CUX1: variants seen among roughly 807,000 people sequenced by gnomAD.
CUX1 encodes the protein cut like homeobox 1, also known as protein CASP.
A neutral mutation model predicts 158.8 loss-of-function variants in CUX1; 31 were observed. The observed-to-expected ratio is 0.20, with a 90% CI of 0.15 to 0.26. The LOEUF is 0.26. CUX1 is among the 10% of genes least tolerant of loss of function. The probability of loss-of-function intolerance (pLI) is 1.00; values close to 1 mark genes in which losing one functional copy is unlikely to be tolerated. For missense variants in CUX1, 1,589 were observed against 2,014.6 expected (o/e 0.79, Z 4.04); for synonymous variants, 879 against 862.1 (o/e 1.02, Z -0.34).
chr7:102,019,250 C>CA (rs1354626870), intron 2 of CUX1, among the ~76,000 whole-genome samples: 1 of 150,168 alleles, frequency 6.7e-6, no homozygotes, highest in Non-Finnish European at 1.5e-5. Context: ...TTTTTTGAGA[C>CA]ATAGTCTCAT....
At chr7:101,867,944 C>A (rs1798098651) in intron 1 of CUX1, among the ~76,000 whole-genome samples, 1 of 152,160 alleles carries the variant, frequency 6.6e-6, no homozygotes, top group African/African-American at 2.4e-5. Flanking sequence ...CTCCTGACTT[C>A]AAGTGATCTG....
intron 8 of CUX1, among the ~76,000 whole-genome samples, chr7:102,132,527 C>T (rs1299807881): frequency 1.4e-4 from 22 of 151,968 alleles, no homozygotes; most frequent in Non-Finnish European, 2.2e-4. Flanking sequence ...CATACCTGCT[C>T]CTCCTTCATT....
chr7:101,913,462 A>G (rs1413662396), intron 1 of CUX1: 1 of 1,191,224 alleles, frequency 8.4e-7, no homozygotes, highest in Non-Finnish European at 1.1e-6. Flanking sequence ...GCACCGGGCC[A>G]CCTGTTTCAG....
intron 5 of CUX1, 137 bp downstream of exon 5, chr7:102,097,638 A>G (rs1829339016): frequency 1.1e-6 from 1 of 901,364 alleles, no homozygotes; most frequent in Non-Finnish European, 1.6e-6. Flanking sequence ...TGGGGCAGGA[A>G]TCTGAGTCGT....
rs536366998 is a variant in CUX1, at chr7:101,871,202, C to T, written c.31-44913C>T. Reference sequence around the variant, plus strand: ...ATTTTCCTGACTGCCTTGCTCTGCCCGGGAATACCTGGCTTATCAGCAGAA... The same window carrying T: ...ATTTTCCTGACTGCCTTGCTCTGCCTGGGAATACCTGGCTTATCAGCAGAA... On this transcript the variant is annotated intron_variant, in intron 1 of 23. Transcript: ENST00000292535. Among the ~76,000 whole-genome samples the T allele has an allele frequency of 2.2e-4, 34 of 152,026 alleles. 1 individual carries two copies. In the South Asian group the frequency reaches 3.1e-3, roughly 14 times the overall value.
chr7:101,823,832 G>A (rs1160033244), intron 1 of CUX1, among the ~76,000 whole-genome samples: 1 of 152,110 alleles, frequency 6.6e-6, no homozygotes, highest in Admixed American at 6.5e-5. Context: ...AATGCCTGTC[G>A]TACCGTCATT....
chr7:101,894,078 C>T (rs1164166023), intron 1 of CUX1, among the ~76,000 whole-genome samples: 2 of 152,140 alleles, frequency 1.3e-5, no homozygotes, highest in Non-Finnish European at 2.9e-5. Flanking sequence ...TGTCTGGGCC[C>T]GCATCTTGGC....
At chr7:102,009,139 C>T (rs1359493199) in intron 2 of CUX1, among the ~76,000 whole-genome samples, 2 of 152,212 alleles carry the variant, frequency 1.3e-5, no homozygotes, top group Admixed American at 1.3e-4. Flanking sequence ...CCAGCCGCAC[C>T]CAGAGTTTGG....
At position 101,918,894 on chromosome 7, in the gene CUX1, T is replaced by A. The variant is rs577770367; in HGVS notation, c.141+2669T>A. On this transcript the variant is annotated intron_variant, in intron 2 of 23. Coordinates refer to ENST00000292535, the MANE Select transcript of CUX1 (RefSeq NM_181552.4). Reference sequence around the variant, plus strand: ...GCCTCCTGGGTTCAAGTGATTCTCCTGCTTCAGCCTCCCAAGTAGCTGGGA... The same window carrying A: ...GCCTCCTGGGTTCAAGTGATTCTCCAGCTTCAGCCTCCCAAGTAGCTGGGA... 9.8e-4 allele frequency among the ~76,000 whole-genome samples: 149 copies of A among 152,328 alleles called. 1 individual carries two copies. Among genetic ancestry groups the A allele is most frequent in the Non-Finnish European group, 9.8e-4 (67 of 68,022 alleles).
At chr7:102,174,110 A>G (rs1554511147) in intron 10 of CUX1, among the ~76,000 whole-genome samples, 1 of 151,896 alleles carries the variant, frequency 6.6e-6, no homozygotes, top group African/African-American at 2.4e-5. Context: ...GGCTTTGCAT[A>G]GTTTTGTTTG....
chr7:101,905,169 G>A (rs1284702291), intron 1 of CUX1, among the ~76,000 whole-genome samples: 1 of 152,122 alleles, frequency 6.6e-6, no homozygotes. Flanking sequence ...ACATTGTCTC[G>A]TATAAACTAT....
At chr7:102,149,195 G>A (rs187475878) in intron 8 of CUX1, among the ~76,000 whole-genome samples, 5 of 151,930 alleles carry the variant, frequency 3.3e-5, no homozygotes, top group East Asian at 1.9e-4. Flanking sequence ...CTAGACAGCC[G>A]TACCTCTCTA....
intron 20 of CUX1, among the ~76,000 whole-genome samples, chr7:102,222,463 G>T (rs1275295292): frequency 6.6e-6 from 1 of 152,022 alleles, no homozygotes; most frequent in African/African-American, 2.4e-5. Flanking sequence ...TCTCACCTGG[G>T]ATGTAGGGTG....
chr7:102,110,397 TATTA>T (rs1830757853), intron 6 of CUX1, among the ~76,000 whole-genome samples: 1 of 152,154 alleles, frequency 6.6e-6, no homozygotes, highest in Admixed American at 6.5e-5. Context: ...TAATGTTACA[TATTA>T]ATTCATATTA....
chr7:102,226,924 C>T (rs1240361678), intron 20 of CUX1, among the ~76,000 whole-genome samples: 3 of 152,164 alleles, frequency 2.0e-5, no homozygotes, highest in South Asian at 2.1e-4. Flanking sequence ...GTGGTGACTA[C>T]GTATTGTGGG....
chr7:101,940,240 A>AG (rs1270056247), intron 2 of CUX1, among the ~76,000 whole-genome samples: 1 of 90,536 alleles, frequency 1.1e-5, no homozygotes, highest in Non-Finnish European at 3.1e-5. Flanking sequence ...ACCCTGTCTC[A>AG]GGAAAAAAAA....
At chr7:102,060,547 G>C (rs561001258) in intron 3 of CUX1, among the ~76,000 whole-genome samples, 1 of 141,036 alleles carries the variant, frequency 7.1e-6, no homozygotes, top group Non-Finnish European at 1.6e-5. Context: ...AGAGATCAAG[G>C]CTTCAGTATA....
chr7:101,994,992 A>G (rs537404536), intron 2 of CUX1, among the ~76,000 whole-genome samples: 4 of 152,034 alleles, frequency 2.6e-5, no homozygotes, highest in African/African-American at 9.6e-5. Context: ...AGTTATTTAG[A>G]AGGCCGAGAC....
intron 3 of CUX1, among the ~76,000 whole-genome samples, chr7:102,058,224 C>A (rs539533868): frequency 2.6e-5 from 4 of 152,238 alleles, no homozygotes; most frequent in South Asian, 4.1e-4. Flanking sequence ...ACTGGAAAAT[C>A]AAAAAATTTA....
Sources: gnomAD v4.1 joint callset for allele counts (sites outside exome capture counted in the v4.1 genomes callset) on GRCh38, gnomAD v4.1.1 for gene constraint, MANE v1.5 for transcripts, NCBI Gene and HGNC (gene_info 2026-07-23, HGNC 2026-07-21) for gene names.